CUX2: variants seen among roughly 807,000 people sequenced by gnomAD.
CUX2 encodes cut like homeobox 2.
CUX2 carries 40 observed loss-of-function variants against 144.8 expected under a neutral mutation model. The ratio of observed to expected loss-of-function variants is 0.28; its 90% CI spans 0.21 to 0.36. The LOEUF (loss-of-function observed/expected upper bound fraction) is 0.36, where lower values mean the gene tolerates loss of function less well. Among genes scored for constraint, CUX2 ranks in the 10% least tolerant of loss-of-function variants. The probability of loss-of-function intolerance (pLI) is 1.00; values close to 1 mark genes in which losing one functional copy is unlikely to be tolerated. For missense variants in CUX2, 1,615 were observed against 1,994.0 expected (o/e 0.81, Z 3.62); for synonymous variants, 827 against 875.6 (o/e 0.94, Z 0.98).
intron 4 of CUX2, among the ~76,000 whole-genome samples, chr12:111,278,374 T>C (rs1347175303): frequency 1.3e-5 from 2 of 152,224 alleles, no homozygotes; most frequent in Non-Finnish European, 2.9e-5. Flanking sequence ...TGAGCCGTGA[T>C]TGTGCCACTG....
At chr12:111,282,297 G>A (rs538752115) in intron 4 of CUX2, among the ~76,000 whole-genome samples, 4 of 149,684 alleles carry the variant, frequency 2.7e-5, no homozygotes, top group Non-Finnish European at 5.9e-5. Context: ...ACTCCAGCCT[G>A]GGCGACAGAG....
intron 1 of CUX2, among the ~76,000 whole-genome samples, chr12:111,165,363 G>C (rs1878070801): frequency 6.6e-6 from 1 of 152,224 alleles, no homozygotes; most frequent in Admixed American, 6.5e-5. Context: ...CCTCATTGAG[G>C]CAGTGGCCTC....
chr12:111,056,640 C>G (rs1267432885), intron 1 of CUX2, among the ~76,000 whole-genome samples: 1 of 152,222 alleles, frequency 6.6e-6, no homozygotes, highest in Non-Finnish European at 1.5e-5. Context: ...CTTCCATCTA[C>G]TCTGCTGATT....
chr12:111,086,670 G>A (rs1566209280), intron 1 of CUX2, among the ~76,000 whole-genome samples: 1 of 152,138 alleles, frequency 6.6e-6, no homozygotes, highest in Non-Finnish European at 1.5e-5. Context: ...TATGCCCTTT[G>A]GCCACTTGTT....
At chr12:111,282,683 T>C (rs898872460) in intron 4 of CUX2, among the ~76,000 whole-genome samples, 1 of 150,850 alleles carries the variant, frequency 6.6e-6, no homozygotes, top group African/African-American at 2.4e-5. Flanking sequence ...CGCAAGAAAT[T>C]TACTTCCCCA....
At chr12:111,331,974 G>A (rs1411638185) in intron 18 of CUX2, among the ~76,000 whole-genome samples, 1 of 151,782 alleles carries the variant, frequency 6.6e-6, no homozygotes, top group Non-Finnish European at 1.5e-5. Context: ...CAGCTATGGG[G>A]GAGGCTGAGG....
In CUX2 at chr12:111,322,362, A is replaced by T; in HGVS notation, c.2767-59A>T. Reference sequence around the variant, plus strand: ...AAAAAAAAGGTTGGGGAGGAGAGTGAGGGCCAGGCCCATGTCCCAGGGGCC... The same window carrying T: ...AAAAAAAAGGTTGGGGAGGAGAGTGTGGGCCAGGCCCATGTCCCAGGGGCC... On this transcript the variant is annotated intron_variant, in intron 17 of 21. Coordinates refer to ENST00000261726, the MANE Select transcript of CUX2 (RefSeq NM_015267.4). This position sits in a 1 kb window ranked among gnomAD's most constrained non-coding sequence, Gnocchi z 4.2. The T allele has an allele frequency of 2.5e-4, 226 of 904,162 alleles. No homozygotes were observed. Among genetic ancestry groups the T allele is most frequent in the Non-Finnish European group, 3.3e-4 (206 of 617,008 alleles). 56.0% of individuals were successfully genotyped at this position (904,162 alleles called of 1,614,324 possible).
chr12:111,163,140 C>T (rs1877894062), intron 1 of CUX2, among the ~76,000 whole-genome samples: 1 of 152,070 alleles, frequency 6.6e-6, no homozygotes, highest in Admixed American at 6.5e-5. Context: ...CTTGACCACT[C>T]CTAACCTCTT....
rs1885586080 is a variant in CUX2 at position 111,289,995 on chromosome 12, C to T, written c.302-1423C>T. Among the ~76,000 whole-genome samples, 1 of 152,144 alleles carries T rather than the reference C, an allele frequency of 6.6e-6. No individual in the cohort carries two copies. Among genetic ancestry groups the T allele is most frequent in the Non-Finnish European group, 1.5e-5 (1 of 68,032 alleles). On this transcript the variant is annotated intron_variant, in intron 4 of 21. Transcript: ENST00000261726. This position sits in a 1 kb window ranked among gnomAD's most constrained non-coding sequence, Gnocchi z 4.1. ...CCTCAGAGCAGTCCCACCTTGGTAT[C>T]CCCGCTTCACACAGGCATGGTTGGC...
In CUX2 at chr12:111,287,446, G is replaced by A. The variant is rs1592920396; in HGVS notation, c.302-3972G>A. ...CTGTCTCAAAAACCGGGACACAATA[G>A]GAAGCGTTTCCTTGAACTTATTAAA... is the stretch of plus-strand genomic sequence containing the variant. On this transcript the variant is annotated intron_variant, in intron 4 of 21. Transcript: ENST00000261726. This position sits in a 1 kb window ranked among gnomAD's most constrained non-coding sequence, Gnocchi z 4.2. 6.6e-6 allele frequency among the ~76,000 whole-genome samples: 1 copy of A among 152,360 alleles called. No individual in the cohort carries two copies. Among genetic ancestry groups the A allele is most frequent in the East Asian group, 1.9e-4 (1 of 5,188 alleles).
At position 111,057,466 on chromosome 12, in the gene CUX2, C is replaced by T. The variant is rs2136017456; in HGVS notation, c.63+23226C>T. 6.6e-6 allele frequency among the ~76,000 whole-genome samples: 1 copy of T among 152,286 alleles called. No individual in the cohort carries two copies. The highest frequency in any genetic ancestry group is 2.1e-4 in the South Asian group (1 of 4,830). ...CCAGTGACAGGGCCCTAGATGCTGACAGCACCACCTTTCCTTGCTTTCCAA... is the reference window on the plus strand; with the variant it reads ...CCAGTGACAGGGCCCTAGATGCTGATAGCACCACCTTTCCTTGCTTTCCAA... On this transcript the variant is annotated intron_variant, in intron 1 of 21. Transcript: ENST00000261726. The surrounding 1 kb of genome is among the most constrained non-coding windows in gnomAD (Gnocchi z 5.1).
intron 16 of CUX2, among the ~76,000 whole-genome samples, chr12:111,315,905 A>C (rs950731524): frequency 6.6e-6 from 1 of 152,150 alleles, no homozygotes; most frequent in African/African-American, 2.4e-5. Flanking sequence ...AATGGGGACA[A>C]ACCAGACTAC....
Position 111,213,804 on chromosome 12 carries a change from C to A in CUX2, c.64-396C>A, listed in dbSNP as rs11836361. ...CACTATAATATGCCCATACAATATG[C>A]CGCACTTTACTATTTTGACATGGTC... On this transcript the variant is annotated intron_variant, in intron 1 of 21. Transcript: ENST00000261726. Among the ~76,000 whole-genome samples the A allele has an allele frequency of 6.2e-3, 946 of 152,218 alleles. 18 individuals carry two copies. The highest frequency in any genetic ancestry group is 0.022 in the African/African-American group (912 of 41,512).
chr12:111,250,480 G>A (rs1394444178), intron 3 of CUX2, among the ~76,000 whole-genome samples: 1 of 152,172 alleles, frequency 6.6e-6, no homozygotes, highest in Non-Finnish European at 1.5e-5. Context: ...CCCGTGAAAG[G>A]TCTTTGTAAG....
rs974351136 is a variant in CUX2, at chr12:111,273,631, G to A, written c.301+9792G>A. 3.5e-4 allele frequency among the ~76,000 whole-genome samples: 53 copies of A among 152,276 alleles called. 1 individual carries two copies. Among genetic ancestry groups the A allele is most frequent in the African/African-American group, 1.3e-3 (52 of 41,542 alleles). On this transcript the variant is annotated intron_variant, in intron 4 of 21. Transcript: ENST00000261726. ...TTTGCTGAAATGCAGATGTGTGCTC[G>A]AGGAAGAACAAGTGGAACTTTCATT...
Position 111,306,937 on chromosome 12 carries a change from C to T in CUX2, c.875C>T (p.Thr292Ile). 6.2e-7 allele frequency: 1 copy of T among 1,607,654 alleles called. No individual in the cohort carries two copies. Among genetic ancestry groups the T allele is most frequent in the Non-Finnish European group, 8.5e-7 (1 of 1,176,418 alleles). ...QGPSGDKVNF[T>I]LCSGPRLEAA... is the part of the protein sequence containing the mutation. ...TGCCTGCAGGATAAGGTGAACTTCA[C>T]TCTGTGCTCGGGCCCTCGGCTGGAG... is the stretch of plus-strand genomic sequence containing the variant. Residue 292 changes from threonine to isoleucine, a missense_variant, in exon 11 of 22, where the codon ACT (threonine) becomes ATT (isoleucine). Physicochemically the swap from Thr to Ile is moderately conservative, Grantham distance 89 (BLOSUM62 -1). Transcript: ENST00000261726.
chr12:111,320,745 C>T lies in CUX2; in HGVS notation c.2736C>T (p.Asn912=). ...AGGTCAAGGAGAAGCTGGCCAAGAACGGCATCTGCCAGAGGATCTTCGGGG... is the reference window on the plus strand; with the variant it reads ...AGGTCAAGGAGAAGCTGGCCAAGAATGGCATCTGCCAGAGGATCTTCGGGG... ...TRQVKEKLAK[N]GICQRIFGEK... is the part of the protein sequence containing the mutation. Residue 912 remains asparagine (N), a synonymous_variant, in exon 17 of 22, where the codon AAC becomes AAT. Transcript: ENST00000261726. The surrounding 1 kb of genome is among the most constrained non-coding windows in gnomAD (Gnocchi z 8.1). 7 of 1,579,018 alleles carry T rather than the reference C, an allele frequency of 4.4e-6. No individual in the cohort carries two copies. Among genetic ancestry groups the T allele is most frequent in the South Asian group, 2.2e-5 (2 of 89,424 alleles).
rs1482319139 is a variant in CUX2 at position 111,035,050 on chromosome 12, C to T, written c.63+810C>T. On this transcript the variant is annotated intron_variant, in intron 1 of 21. Coordinates refer to ENST00000261726, the MANE Select transcript of CUX2 (RefSeq NM_015267.4). This position sits in a 1 kb window ranked among gnomAD's most constrained non-coding sequence, Gnocchi z 6.0. ...GGGCCCGGGCGCTCGCAAGTTTGCG[C>T]TCCTGCCTCCAGGGCGGTGGAGAGC... Among the ~76,000 whole-genome samples, 1 of 152,126 alleles carries T rather than the reference C, an allele frequency of 6.6e-6. No individual in the cohort carries two copies. The highest frequency in any genetic ancestry group is 1.5e-5 in the Non-Finnish European group (1 of 68,002).
chr12:111,268,085 C>T (rs12228895), intron 4 of CUX2, among the ~76,000 whole-genome samples: 12,413 of 152,158 alleles, frequency 0.082, 1,274 homozygotes, highest in African/African-American at 0.23. Context: ...GTGTAAGCCA[C>T]TGTACCCAAC....
Sources: gnomAD v4.1 joint callset for allele counts (sites outside exome capture counted in the v4.1 genomes callset) on GRCh38, gnomAD v4.1.1 for gene constraint, Gnocchi (gnomAD v3.1) non-coding constraint, MANE v1.5 for transcripts, NCBI Gene and HGNC (gene_info 2026-07-23, HGNC 2026-07-21) for gene names.